STARD9: variants seen among roughly 807,000 people sequenced by gnomAD.
STARD9 encodes StAR related lipid transfer domain containing 9.
In STARD9, 346 loss-of-function variants were observed where a neutral mutation model predicts 399.8. The ratio of observed to expected loss-of-function variants is 0.87; its 90% CI spans 0.79 to 0.95. The LOEUF (loss-of-function observed/expected upper bound fraction) is 0.95, where lower values mean the gene tolerates loss of function less well. Ranked by LOEUF, STARD9 falls within the 40% of genes least tolerant of loss-of-function variation. The pLI, the probability that STARD9 is intolerant of heterozygous loss-of-function variation, is 0.00. For missense variants in STARD9, 5,832 were observed against 5,667.5 expected, an observed-to-expected ratio of 1.03 and a Z score of -0.93; for synonymous variants, 2,203 against 2,143.5, an observed-to-expected ratio of 1.03 and a Z score of -0.77.
chr15:42,693,642 C>T lies in STARD9; in HGVS notation c.12064C>T (p.His4022Tyr). The change falls in exon 23 of 33, where the codon CAC becomes TAC. Residue 4022 changes from histidine to tyrosine, a missense_variant. Physicochemically the swap from His to Tyr is moderately conservative, Grantham distance 83 (BLOSUM62 2). Coordinates refer to ENST00000290607, the MANE Select transcript of STARD9 (RefSeq NM_020759.3). ...CAGACTGCTGCCACCACCACTGAGG[C>T]ACAGGAGCCAAAGGCTGGGCAACAG... ...QSRLLPPPLRHRSQRLGNSFV... is the reference protein window; with the variant it reads ...QSRLLPPPLRYRSQRLGNSFV... The T allele has an allele frequency of 6.5e-7, 1 of 1,537,252 alleles. No individual in the cohort carries two copies. Among genetic ancestry groups the T allele is most frequent in the South Asian group, 1.2e-5 (1 of 84,062 alleles).
rs2060666827 is a variant in STARD9 at position 42,690,535 on chromosome 15, C to T, written c.8957C>T (p.Pro2986Leu). Residue 2986 changes from proline to leucine, a missense_variant, in exon 23 of 33, where the codon CCT becomes CTT. Physicochemically the swap from Pro to Leu is moderately conservative, Grantham distance 98 (BLOSUM62 -3). This residue lies in a region of STARD9 where 5,828 missense variants were observed against 5,651.1 expected (regional missense o/e 1.03). Transcript: ENST00000290607. ...AGAGATGGTGACCTAGGGAAGGAGC[C>T]TTTCAAGGCTGCCCCACATACTATC... is the stretch of plus-strand genomic sequence containing the variant. ...CFRDGDLGKE[P>L]FKAAPHTIHP... 1.3e-6 allele frequency: 2 copies of T among 1,537,166 alleles called. No homozygotes were observed. The highest frequency in any genetic ancestry group is 1.2e-5 in the South Asian group (1 of 84,052).
chr15:42,616,187 A>G (rs2058806959), intron 3 of STARD9, among the ~76,000 whole-genome samples: 1 of 152,242 alleles, frequency 6.6e-6, no homozygotes, highest in South Asian at 2.1e-4. Flanking sequence ...TGCAATGAAA[A>G]GGTTAATAAT....
At chr15:42,642,388 C>T (rs974271947) in intron 7 of STARD9, among the ~76,000 whole-genome samples, 1 of 152,138 alleles carries the variant, frequency 6.6e-6, no homozygotes, top group Non-Finnish European at 1.5e-5. Flanking sequence ...AAGGGCCTGC[C>T]CAAAGCACAC....
At chr15:42,591,395 G>C (rs1469211142) in intron 3 of STARD9, among the ~76,000 whole-genome samples, 1 of 152,082 alleles carries the variant, frequency 6.6e-6, no homozygotes, top group Non-Finnish European at 1.5e-5. Context: ...GGCTGAAGCA[G>C]GAGAATTGCT....
intron 3 of STARD9, among the ~76,000 whole-genome samples, chr15:42,598,306 C>A (rs957522409): frequency 5.9e-5 from 9 of 152,072 alleles, no homozygotes; most frequent in Non-Finnish European, 1.2e-4. Flanking sequence ...GCTGGGATTA[C>A]AGGTGTGAGC....
chr15:42,692,301 C>G lies in STARD9; in HGVS notation c.10723C>G (p.Pro3575Ala). 1 of 1,537,024 alleles carries G rather than the reference C, an allele frequency of 6.5e-7. No homozygotes were observed. The highest frequency in any genetic ancestry group is 8.7e-7 in the Non-Finnish European group (1 of 1,146,890). ...AGGAGACCCCCACATCCCGACGAGC[C>G]CTGAAGGAGTAGCCCCCACTTCGGG... is the stretch of plus-strand genomic sequence containing the variant. ...ALGDPHIPTS[P>A]EGVAPTSGHD... The change falls in exon 23 of 33, where the codon CCT (proline) becomes GCT (alanine). Residue 3575 changes from proline to alanine, a missense_variant. Around this residue, in one of 2 missense-constraint regions of STARD9, gnomAD observed 5,828 missense variants for 5,651.1 expected, o/e 1.03. Coordinates refer to ENST00000290607, the MANE Select transcript of STARD9 (RefSeq NM_020759.3).
At chr15:42,697,919 T>A (rs543084498) in intron 26 of STARD9, among the ~76,000 whole-genome samples, 33 of 152,242 alleles carry the variant, frequency 2.2e-4, no homozygotes, top group South Asian at 1.0e-3. Flanking sequence ...TGTACCTAGT[T>A]CCTCTCCCTC....
intron 3 of STARD9, among the ~76,000 whole-genome samples, chr15:42,588,599 T>G (rs1292275887): frequency 6.6e-6 from 1 of 152,038 alleles, no homozygotes; most frequent in East Asian, 1.9e-4. Flanking sequence ...GACTCATATC[T>G]ACATGATACA....
At chr15:42,664,823 C>CACAT (rs71431859) in intron 13 of STARD9, among the ~76,000 whole-genome samples, 20 of 151,588 alleles carry the variant, frequency 1.3e-4, no homozygotes, top group African/African-American at 4.9e-4. Context: ...CACACACACA[C>CACAT]ACCCCATACG....
intron 26 of STARD9, among the ~76,000 whole-genome samples, chr15:42,711,402 A>G (rs2061221414): frequency 6.6e-6 from 1 of 152,106 alleles, no homozygotes; most frequent in Admixed American, 6.6e-5. Context: ...CAGCCTCCCA[A>G]AGTGCTGGGA....
In STARD9 at chr15:42,663,502, G is replaced by A. The variant is rs1398378559; in HGVS notation, c.1078+12G>A. Reference sequence around the variant, plus strand: ...CATCATGGTTGCCAGTGAGTGGGATGCCAGAGCTGGACCTGTGTTGGGACT... The same window carrying A: ...CATCATGGTTGCCAGTGAGTGGGATACCAGAGCTGGACCTGTGTTGGGACT... On this transcript the variant is annotated intron_variant, in intron 12 of 32. Transcript: ENST00000290607. The A allele has an allele frequency of 3.9e-6, 6 of 1,536,894 alleles. No homozygotes were observed. Among genetic ancestry groups the A allele is most frequent in the Non-Finnish European group, 5.2e-6 (6 of 1,146,696 alleles).
At chr15:42,601,431 A>T (rs1301512429) in intron 3 of STARD9, among the ~76,000 whole-genome samples, 1 of 150,940 alleles carries the variant, frequency 6.6e-6, no homozygotes, top group Non-Finnish European at 1.5e-5. Context: ...CACTTCCCAG[A>T]CGGGGCGGCC....
chr15:42,700,863 A>AT (rs1450027639), intron 26 of STARD9, among the ~76,000 whole-genome samples: 1 of 152,094 alleles, frequency 6.6e-6, no homozygotes, highest in African/African-American at 2.4e-5. Context: ...GTCATAAAGC[A>AT]TTTCTCCTAT....
rs536492232 is a variant in STARD9 at position 42,665,216 on chromosome 15, A to G, written c.1177-37A>G. The G allele has an allele frequency of 1.1e-5, 17 of 1,493,092 alleles. No individual in the cohort carries two copies. The African/African-American group carries it at 1.8e-4, about 16-fold the overall frequency. 92.5% of individuals were successfully genotyped at this position (1,493,092 alleles called of 1,614,324 possible). On this transcript the variant is annotated intron_variant, in intron 13 of 32. Coordinates refer to ENST00000290607, the MANE Select transcript of STARD9 (RefSeq NM_020759.3). ...GCATTTCACAGCTGAGTGGGACTTG[A>G]TAACAATCAGTGGTGATGGAGTTCT...
At chr15:42,669,567 TGC>T in intron 16 of STARD9, 1 of 390,708 alleles carries the variant, frequency 2.6e-6, no homozygotes. Context: ...TTTCAACTGC[TGC>T]TACTGTTGTT....
intron 7 of STARD9, among the ~76,000 whole-genome samples, chr15:42,648,117 T>C (rs919736836): frequency 6.6e-6 from 1 of 152,202 alleles, no homozygotes; most frequent in Admixed American, 6.5e-5. Context: ...AGAATAATCT[T>C]GTTTTCCCTC....
chr15:42,662,616 A>G (rs1236713031), intron 10 of STARD9, among the ~76,000 whole-genome samples, 178 bp from the exon 11 acceptor site: 3 of 152,254 alleles, frequency 2.0e-5, no homozygotes, highest in Non-Finnish European at 4.4e-5. Context: ...AGAAGCAGAA[A>G]AAGTCCAGTT....
At position 42,682,129 on chromosome 15, in the gene STARD9, G is replaced by C. The variant is rs1335592166; in HGVS notation, c.2091G>C (p.Glu697Asp). Residue 697 changes from glutamate (E) to aspartate (D), a missense_variant, in exon 22 of 33, where the codon GAG becomes GAC. Glu to Asp is a conservative substitution (Grantham distance 45, BLOSUM62 2). This residue lies in a region of STARD9 where 5,828 missense variants were observed against 5,651.1 expected (regional missense o/e 1.03). Coordinates refer to ENST00000290607, the MANE Select transcript of STARD9 (RefSeq NM_020759.3). ...ACCAGCAGTGTCTGCTCAGAGAAGAGACCTGGCTGGCCAGCTTGCAACAGC... is the reference window on the plus strand; with the variant it reads ...ACCAGCAGTGTCTGCTCAGAGAAGACACCTGGCTGGCCAGCTTGCAACAGC... Reference protein sequence around the residue: ...KENQQCLLREETWLASLQQQQ... With the variant: ...KENQQCLLREDTWLASLQQQQ... The C allele has an allele frequency of 1.3e-6, 2 of 1,537,190 alleles. No individual in the cohort carries two copies. The highest frequency in any genetic ancestry group is 2.0e-5 in the Admixed American group (1 of 51,006).
intron 7 of STARD9, among the ~76,000 whole-genome samples, chr15:42,639,863 C>CAAAA (rs964883921): frequency 8.8e-6 from 1 of 113,684 alleles, no homozygotes; most frequent in Non-Finnish European, 1.9e-5. Flanking sequence ...GACGCCATCT[C>CAAAA]AAAAAAAAAA....
Sources: gnomAD v4.1 joint callset for allele counts (sites outside exome capture counted in the v4.1 genomes callset) on GRCh38, gnomAD v4.1.1 for gene constraint, gnomAD v4.1.1 regional missense constraint, MANE v1.5 for transcripts, NCBI Gene and HGNC (gene_info 2026-07-23, HGNC 2026-07-21) for gene names.